The following ANKH variants were observed in gnomAD, a reference collection of about 807,000 sequenced individuals.
ANKH encodes the protein ANKH inorganic pyrophosphate transport regulator, also known as mineralization regulator ANKH.
A neutral mutation model predicts 49.0 loss-of-function variants in ANKH; 15 were observed. The observed-to-expected ratio is 0.31, with a 90% confidence interval of 0.20 to 0.47. ANKH has a LOEUF of 0.47. ANKH is among the 20% of genes least tolerant of loss of function. The pLI is 1.00. For missense variants in ANKH, 429 were observed against 652.0 expected (o/e 0.66, Z 3.72); for synonymous variants, 273 against 260.0 (o/e 1.05, Z -0.48).
chr5:14,840,293 T>C (rs911309003), intron 1 of ANKH, among the ~76,000 whole-genome samples: 3 of 152,230 alleles, frequency 2.0e-5, no homozygotes, highest in African/African-American at 4.8e-5. Context: ...ATTCAAGATA[T>C]AGTTTAAAGA....
chr5:14,764,506 C>T (rs116562444), intron 2 of ANKH, among the ~76,000 whole-genome samples: 1,768 of 152,264 alleles, frequency 0.012, 41 homozygotes, highest in African/African-American at 0.041. Context: ...CCTCCTGGCC[C>T]TCAGCTGACC....
chr5:14,729,799 CAG>C (rs1260180239), intron 8 of ANKH, among the ~76,000 whole-genome samples: 3 of 152,206 alleles, frequency 2.0e-5, no homozygotes, highest in African/African-American at 7.2e-5. Context: ...AGTGCACAGA[CAG>C]GGGTTAGCTC....
chr5:14,833,521 C>G (rs148447143), intron 1 of ANKH, among the ~76,000 whole-genome samples: 2 of 152,336 alleles, frequency 1.3e-5, no homozygotes, highest in African/African-American at 4.8e-5. Flanking sequence ...GCTCCTCCCC[C>G]AGTCTGGGTA....
At chr5:14,736,903 T>A (rs1034634137) in intron 8 of ANKH, among the ~76,000 whole-genome samples, 1 of 152,230 alleles carries the variant, frequency 6.6e-6, no homozygotes, top group African/African-American at 2.4e-5. Context: ...TTCTTCTCTA[T>A]GTCTCCTGAA....
chr5:14,769,257 C>T, intron 1 of ANKH, 66 bp from the exon 2 acceptor site: 1 of 1,351,366 alleles, frequency 7.4e-7, no homozygotes, highest in Non-Finnish European at 1.0e-6. Flanking sequence ...AATCATACCT[C>T]TAAGATGAAA....
chr5:14,867,657 T>C (rs2126637143), intron 1 of ANKH, among the ~76,000 whole-genome samples: 1 of 152,270 alleles, frequency 6.6e-6, no homozygotes, highest in Admixed American at 6.5e-5. Context: ...CTTCCCGGGT[T>C]CACGCCATTC....
intron 1 of ANKH, chr5:14,798,352 T>C (rs1331160220): frequency 6.4e-7 from 1 of 1,561,688 alleles, no homozygotes; most frequent in Non-Finnish European, 8.8e-7. Flanking sequence ...TCCTTGTTGA[T>C]CACTCATTCT....
chr5:14,798,159 A>G (rs1740450604), intron 1 of ANKH: 2 of 1,558,404 alleles, frequency 1.3e-6, no homozygotes, highest in South Asian at 1.1e-5. Flanking sequence ...CACACTGGCT[A>G]TAACAAGATG....
At position 14,865,260 on chromosome 5, in the gene ANKH, C is replaced by G. The variant is rs560710495; in HGVS notation, c.96+6092G>C. On this transcript the variant is annotated intron_variant, in intron 1 of 11. Coordinates refer to ENST00000284268, the MANE Select transcript of ANKH (RefSeq NM_054027.6). The stretch of plus-strand genomic sequence containing the variant: ...GGGCAACAAGAACAAAACTCCGTCT[C>G]AAAAAATAATAATAATGATAATAAA... 9.2e-5 allele frequency among the ~76,000 whole-genome samples: 14 copies of G among 151,620 alleles called. 1 individual carries two copies. In the South Asian group the frequency reaches 2.9e-3, roughly 32 times the overall value.
intron 1 of ANKH, among the ~76,000 whole-genome samples, chr5:14,830,449 G>C (rs1403731970): frequency 6.6e-6 from 1 of 152,048 alleles, no homozygotes; most frequent in Non-Finnish European, 1.5e-5. Flanking sequence ...AGTGGGGGAA[G>C]GAAGTGGCTG....
In ANKH at chr5:14,781,376, C is replaced by G. The variant is rs538238092; in HGVS notation, c.97-12185G>C. Among the ~76,000 whole-genome samples, 5 of 152,190 alleles carry G rather than the reference C, an allele frequency of 3.3e-5. No homozygotes were observed. The East Asian group carries it at 9.7e-4, about 29-fold the overall frequency. On this transcript the variant is annotated intron_variant, in intron 1 of 11. Coordinates refer to ENST00000284268, the MANE Select transcript of ANKH (RefSeq NM_054027.6). ...TCCATATTTAGTGCTTCCTGAAAAC[C>G]CCAAGACAACATTGGGCAAGTCCAA... is the stretch of plus-strand genomic sequence containing the variant.
intron 1 of ANKH, among the ~76,000 whole-genome samples, chr5:14,774,460 C>T (rs1229692692): frequency 6.6e-6 from 1 of 152,000 alleles, no homozygotes; most frequent in Non-Finnish European, 1.5e-5. Context: ...TTCCTCAAGA[C>T]ACAGTCGCGC....
chr5:14,764,610 G>T (rs1346083935), intron 2 of ANKH, among the ~76,000 whole-genome samples: 1 of 152,220 alleles, frequency 6.6e-6, no homozygotes, highest in African/African-American at 2.4e-5. Flanking sequence ...GAGCCACTGA[G>T]GATCGGGGTG....
intron 1 of ANKH, among the ~76,000 whole-genome samples, chr5:14,859,360 G>A (rs902104965): frequency 6.6e-6 from 1 of 152,228 alleles, no homozygotes; most frequent in Non-Finnish European, 1.5e-5. Flanking sequence ...CCTTTTTAAG[G>A]CTGTATAATA....
chr5:14,798,395 G>A lies in ANKH; in HGVS notation c.97-29204C>T, dbSNP rs190870573. The stretch of plus-strand genomic sequence containing the variant: ...TGTTGTCAAAGGCTGCTTCCTTGTC[G>A]GCCATGGCGGGCAGGCGAGCCGGGG... On this transcript the variant is annotated intron_variant, in intron 1 of 11. Coordinates refer to ENST00000284268, the MANE Select transcript of ANKH (RefSeq NM_054027.6). 1.7e-4 allele frequency: 267 copies of A among 1,565,494 alleles called. 1 individual carries two copies. In the African/African-American group the frequency reaches 3.0e-3, roughly 18 times the overall value.
intron 1 of ANKH, chr5:14,870,968 A>G (rs971032631): frequency 8.2e-6 from 3 of 364,178 alleles, no homozygotes; most frequent in African/African-American, 2.1e-5. Flanking sequence ...GAATCTCCCC[A>G]CCGTCACCAT....
intron 1 of ANKH, chr5:14,870,319 TCA>T (rs2126639309): frequency 6.6e-6 from 1 of 152,182 alleles, no homozygotes; most frequent in East Asian, 1.9e-4. Flanking sequence ...AACGAAGGAG[TCA>T]CACAAATCTC....
intron 6 of ANKH, among the ~76,000 whole-genome samples, chr5:14,746,226 C>T (rs965536695): frequency 1.3e-5 from 2 of 151,792 alleles, no homozygotes; most frequent in African/African-American, 2.4e-5. Context: ...GAGGGGGATG[C>T]GTCACATTTT....
At chr5:14,831,423 A>G (rs1741502729) in intron 1 of ANKH, among the ~76,000 whole-genome samples, 1 of 152,176 alleles carries the variant, frequency 6.6e-6, no homozygotes, top group Admixed American at 6.5e-5. Context: ...TGTGTTTCTC[A>G]TATCTCCGCA....
Sources: allele counts gnomAD v4.1 joint callset (sites outside exome capture counted in the v4.1 genomes callset), GRCh38; gene constraint gnomAD v4.1.1; transcripts MANE v1.5; gene names NCBI Gene and HGNC (gene_info 2026-07-23, HGNC 2026-07-21).